The following LRP1B variants were observed in gnomAD, a reference collection of about 807,000 sequenced individuals.
LRP1B encodes the protein LDL receptor related protein 1B.
A neutral mutation model predicts 556.6 loss-of-function variants in LRP1B; 217 were observed. The observed-to-expected ratio is 0.39, with a 90% CI of 0.35 to 0.44. The LOEUF (loss-of-function observed/expected upper bound fraction) is 0.44, where lower values mean the gene tolerates loss of function less well. LRP1B is among the 20% of genes least tolerant of loss of function. The pLI is 1.00. For synonymous variants in LRP1B, 2,047 were observed against 1,865.8 expected, an observed-to-expected ratio of 1.10 and a Z score of -2.50; for missense variants, 5,053 against 5,620.8, an observed-to-expected ratio of 0.90 and a Z score of 3.23.
intron 7 of LRP1B, among the ~76,000 whole-genome samples, chr2:141,170,756 T>A (rs1680469914): frequency 6.6e-6 from 1 of 152,070 alleles, no homozygotes; most frequent in Non-Finnish European, 1.5e-5. Flanking sequence ...GCATTTTCTA[T>A]TTAGGGAGTG....
intron 1 of LRP1B, among the ~76,000 whole-genome samples, chr2:142,017,186 G>C (rs1247662278): frequency 6.6e-6 from 1 of 152,026 alleles, no homozygotes; most frequent in African/African-American, 2.4e-5. Flanking sequence ...ATTAGTCTTA[G>C]AAACATTGGC....
chr2:141,329,512 C>T (rs1474531259), intron 3 of LRP1B, among the ~76,000 whole-genome samples: 10 of 151,730 alleles, frequency 6.6e-5, no homozygotes, highest in African/African-American at 1.9e-4. Flanking sequence ...GGTGTGGTGG[C>T]GGGCACCTGT....
At chr2:140,621,384 CAA>C (rs61045975) in intron 41 of LRP1B, among the ~76,000 whole-genome samples, 2 of 106,978 alleles carry the variant, frequency 1.9e-5, no homozygotes, top group African/African-American at 3.7e-5. Context: ...GACTCTGTCT[CAA>C]AAAAAAAAAA....
At chr2:141,072,600 CT>C (rs1699678046) in intron 7 of LRP1B, among the ~76,000 whole-genome samples, 2 of 151,966 alleles carry the variant, frequency 1.3e-5, no homozygotes, top group Non-Finnish European at 2.9e-5. Flanking sequence ...TACTATCAGT[CT>C]CAGGTACTCC....
At position 142,056,042 on chromosome 2, in the gene LRP1B, T is replaced by C. The variant is rs528096920; in HGVS notation, c.82+74606A>G. The stretch of plus-strand genomic sequence containing the variant: ...ATCGCATGCCTGTAATCCCAGCTAC[T>C]AGGGAGGTTGAGGCACAAGAATCAC... On this transcript the variant is annotated intron_variant, in intron 1 of 90. Coordinates refer to ENST00000389484, the MANE Select transcript of LRP1B (RefSeq NM_018557.3). Among the ~76,000 whole-genome samples, 15 of 152,096 alleles carry C rather than the reference T, an allele frequency of 9.9e-5. 1 individual carries two copies. The highest frequency in any genetic ancestry group is 4.6e-4 in the Admixed American group (7 of 15,268).
At chr2:142,021,615 T>C (rs1035470326) in intron 1 of LRP1B, among the ~76,000 whole-genome samples, 1 of 152,180 alleles carries the variant, frequency 6.6e-6, no homozygotes, top group Non-Finnish European at 1.5e-5. Context: ...TTGATACTTA[T>C]GATTGGTGTT....
chr2:141,511,044 G>A (rs574923392), intron 2 of LRP1B, among the ~76,000 whole-genome samples: 6 of 152,034 alleles, frequency 3.9e-5, no homozygotes, highest in Non-Finnish European at 7.4e-5. Flanking sequence ...AGGTAATAAG[G>A]TTAGAGTAGC....
chr2:140,415,149 G>A (rs1962475), intron 66 of LRP1B, among the ~76,000 whole-genome samples: 6 of 151,784 alleles, frequency 4.0e-5, no homozygotes, highest in Non-Finnish European at 8.8e-5. Context: ...GGGTCAGACC[G>A]GTTCTCTGCT....
chr2:141,158,621 A>G (rs1702125636), intron 7 of LRP1B, among the ~76,000 whole-genome samples: 1 of 152,134 alleles, frequency 6.6e-6, no homozygotes, highest in Non-Finnish European at 1.5e-5. Flanking sequence ...AGGTAATCCA[A>G]TGTCGTGGTG....
At chr2:141,634,041 T>C (rs1444205654) in intron 2 of LRP1B, among the ~76,000 whole-genome samples, 2 of 151,940 alleles carry the variant, frequency 1.3e-5, no homozygotes, top group Non-Finnish European at 2.9e-5. Flanking sequence ...TGCTTTCTTT[T>C]TTTTTTCAAT....
At chr2:141,557,245 CAAA>C (rs1282251586) in intron 2 of LRP1B, among the ~76,000 whole-genome samples, 17 of 151,666 alleles carry the variant, frequency 1.1e-4, no homozygotes, top group South Asian at 6.3e-4. Flanking sequence ...AGGAAACAAA[CAAA>C]CAACAACGAA....
rs70991157 is a variant in LRP1B at position 141,315,882 on chromosome 2, C to CTTT, written c.344-61244_344-61242dup. Among the ~76,000 whole-genome samples the CTTT allele has an allele frequency of 2.1e-3, 38 of 18,140 alleles. 3 individuals are homozygous for CTTT. The highest frequency in any genetic ancestry group is 8.3e-3 in the African/African-American group (35 of 4,224). The allele number at this position is 18,140 out of a possible 152,430, so 11.9% of individuals were successfully genotyped here. A position where few individuals can be genotyped will look rare whatever the true frequency, so the allele number is the denominator to read the frequency against. On this transcript the variant is annotated intron_variant, in intron 3 of 90. Coordinates refer to ENST00000389484, the MANE Select transcript of LRP1B (RefSeq NM_018557.3). ...GAAAATCCTCTATCTTTAGTCTGGT[C>CTTT]TTTTTTTTTTTTTTTTTTTTTTTTT...
chr2:140,604,385 G>A (rs62172826), intron 41 of LRP1B, among the ~76,000 whole-genome samples: 62,052 of 151,788 alleles, frequency 0.41, 12,951 homozygotes, highest in Middle Eastern at 0.5. Flanking sequence ...ACTCAGAACC[G>A]TGGTTGTACC....
At position 140,800,403 on chromosome 2, in the gene LRP1B, A is replaced by T. The variant is rs183998282; in HGVS notation, c.5359+13254T>A. 2.8e-4 allele frequency among the ~76,000 whole-genome samples: 43 copies of T among 152,132 alleles called. 1 individual carries two copies. Among genetic ancestry groups the T allele is most frequent in the African/African-American group, 9.6e-4 (40 of 41,514 alleles). On this transcript the variant is annotated intron_variant, in intron 32 of 90. Coordinates refer to ENST00000389484, the MANE Select transcript of LRP1B (RefSeq NM_018557.3). ...CCTAGAACTTAAAAGTATAATAATT[A>T]AAAAAAAGTTTGCTGCACTATTTAT...
At chr2:141,370,630 T>G (rs1689196223) in intron 3 of LRP1B, among the ~76,000 whole-genome samples, 1 of 152,208 alleles carries the variant, frequency 6.6e-6, no homozygotes, top group Non-Finnish European at 1.5e-5. Context: ...TTTCTTTTGC[T>G]GTGCAGAAGC....
intron 43 of LRP1B, among the ~76,000 whole-genome samples, chr2:140,594,655 A>G (rs1682360271): frequency 2.0e-5 from 3 of 152,092 alleles, no homozygotes; most frequent in Admixed American, 2.0e-4. Flanking sequence ...CCAGATTATG[A>G]TGTCTAGCTT....
At chr2:140,392,661 T>G (rs1684073354) in intron 66 of LRP1B, among the ~76,000 whole-genome samples, 1 of 152,076 alleles carries the variant, frequency 6.6e-6, no homozygotes, top group African/African-American at 2.4e-5. Flanking sequence ...CTAATTTTTG[T>G]ACTTTTAGTA....
intron 32 of LRP1B, among the ~76,000 whole-genome samples, chr2:140,785,046 A>G (rs78292491): frequency 3.3e-5 from 5 of 152,294 alleles, no homozygotes; most frequent in African/African-American, 1.2e-4. Context: ...GAGAAAAAAA[A>G]GATTCTACAA....
chr2:140,344,888 T>C (rs1444692481), intron 77 of LRP1B, among the ~76,000 whole-genome samples: 1 of 151,588 alleles, frequency 6.6e-6, no homozygotes, highest in Admixed American at 6.6e-5. Context: ...CAAAAGAGAC[T>C]GAGTAAGTGA....
Sources: gnomAD v4.1 joint callset for allele counts (sites outside exome capture counted in the v4.1 genomes callset) on GRCh38, gnomAD v4.1.1 for gene constraint, MANE v1.5 for transcripts, NCBI Gene and HGNC (gene_info 2026-07-23, HGNC 2026-07-21) for gene names.